The following FBXL18 variants were observed in gnomAD, a reference collection of about 807,000 sequenced individuals.
The protein encoded by FBXL18 is F-box/LRR-repeat protein 18.
In FBXL18, 36 loss-of-function variants were observed where a neutral mutation model predicts 46.0. That is an observed-to-expected ratio of 0.78 (90% CI 0.60 to 1.03). FBXL18 has a LOEUF of 1.03. Ranked by LOEUF, FBXL18 falls within the 50% of genes least tolerant of loss-of-function variation. The pLI, the probability that FBXL18 is intolerant of heterozygous loss-of-function variation, is 0.00. For missense variants in FBXL18, 977 were observed against 1,004.1 expected (o/e 0.97, Z 0.36); for synonymous variants, 557 against 465.3 (o/e 1.20, Z -2.54).
chr7:5,512,297 TAAAAAAAAAAAAA>T (rs71004681), intron 1 of FBXL18, among the ~76,000 whole-genome samples: 1 of 85,524 alleles, frequency 1.2e-5, no homozygotes, highest in Non-Finnish European at 2.4e-5. Flanking sequence ...AAGTGTTATT[TAAAAAAAAAAAAA>T]AAAAAAAAAA....
intron 3 of FBXL18, among the ~76,000 whole-genome samples, chr7:5,498,364 G>C (rs1472946589): frequency 6.6e-6 from 1 of 152,176 alleles, no homozygotes; most frequent in Non-Finnish European, 1.5e-5. Context: ...GGGATTACAG[G>C]CGTGAGCCAC....
intron 1 of FBXL18, among the ~76,000 whole-genome samples, chr7:5,511,281 A>G (rs940311854): frequency 6.6e-6 from 1 of 151,748 alleles, no homozygotes; most frequent in East Asian, 1.9e-4. Flanking sequence ...CTAAAAATAC[A>G]AAAAAATTAG....
chr7:5,489,497 G>A lies in FBXL18; in HGVS notation c.2000+1734C>T, dbSNP rs1378761938. ...TAAAAATACAAAAATTAGGCCGGGCGCGGTGGCTCACGCCTGTAATCCCAG... is the reference window on the plus strand; with the variant it reads ...TAAAAATACAAAAATTAGGCCGGGCACGGTGGCTCACGCCTGTAATCCCAG... On this transcript the variant is annotated intron_variant, in intron 4 of 4. Coordinates refer to ENST00000382368, the MANE Select transcript of FBXL18 (RefSeq NM_024963.6). 5 of 352,966 alleles carry A rather than the reference G, an allele frequency of 1.4e-5. No homozygotes were observed. The East Asian group carries it at 2.3e-4, about 16-fold the overall frequency. The allele number at this position is 352,966 out of a possible 1,614,324, so 21.9% of individuals were successfully genotyped here. A position where few individuals can be genotyped will look rare whatever the true frequency, so the allele number is the denominator to read the frequency against.
intron 4 of FBXL18, among the ~76,000 whole-genome samples, chr7:5,463,742 T>TTTTTTTTTTTTTTTTTTTTTTTTTTTG (rs1783298948): frequency 1.4e-5 from 1 of 72,974 alleles, no homozygotes; most frequent in Non-Finnish European, 2.6e-5. Flanking sequence ...TTTTTTTTTT[T>TTTTTTTTTTTTTTTTTTTTTTTTTTTG]TTTTTTTTTT....
In FBXL18 at chr7:5,494,811, G is replaced by A. The variant is rs543365354; in HGVS notation, c.1782-3362C>T. Reference sequence around the variant, plus strand: ...GGTCACTAGGTGGCGATGCGGCTCCGTGCTACCCGCCCCAGATCGCCCCGA... The same window carrying A: ...GGTCACTAGGTGGCGATGCGGCTCCATGCTACCCGCCCCAGATCGCCCCGA... On this transcript the variant is annotated intron_variant, in intron 3 of 4. Transcript: ENST00000382368. Among the ~76,000 whole-genome samples the A allele has an allele frequency of 6.6e-5, 10 of 152,344 alleles. No homozygotes were observed. The East Asian group carries it at 1.4e-3, about 21-fold the overall frequency.
chr7:5,458,286 C>A (rs932456328), intron 4 of FBXL18, among the ~76,000 whole-genome samples: 1 of 152,164 alleles, frequency 6.6e-6, no homozygotes, highest in Non-Finnish European at 1.5e-5. Flanking sequence ...GGTTTCTGGC[C>A]ACCCACAGTG....
At chr7:5,491,508 TG>T in intron 3 of FBXL18, 59 bp from the exon 4 acceptor site, 1 of 1,434,324 alleles carries the variant, frequency 7.0e-7, no homozygotes, top group Non-Finnish European at 9.3e-7. Context: ...CCAGGCCAGC[TG>T]GGCGTCTGGA....
At chr7:5,488,414 G>A (rs939459280) in intron 4 of FBXL18, among the ~76,000 whole-genome samples, 2 of 152,184 alleles carry the variant, frequency 1.3e-5, no homozygotes, top group East Asian at 1.9e-4. Flanking sequence ...GGGCTGCCCC[G>A]TCATGAGCAC....
At position 5,513,726 on chromosome 7, in the gene FBXL18, C is replaced by CT; in HGVS notation, c.-53_-52insA. On this transcript the variant is annotated 5_prime_UTR_variant, in exon 1 of 5. Coordinates refer to ENST00000382368, the MANE Select transcript of FBXL18 (RefSeq NM_024963.6). ...GCGGGATCCGCAACCCCGTGCCTCC[C>CT]ACCTGCCCGGCTAGGGATGCTCGAA... 2 of 1,582,882 alleles carry CT rather than the reference C, an allele frequency of 1.3e-6. No individual in the cohort carries two copies. Among genetic ancestry groups the CT allele is most frequent in the Admixed American group, 3.6e-5 (2 of 55,462 alleles).
Position 5,490,058 on chromosome 7 carries a change from C to T in FBXL18, c.2000+1173G>A, listed in dbSNP as rs750010650. Reference sequence around the variant, plus strand: ...GGGGAAACCCCAACCAGGATTATTCCTGAGACAGCCAGCGGCCGACCGCAA... The same window carrying T: ...GGGGAAACCCCAACCAGGATTATTCTTGAGACAGCCAGCGGCCGACCGCAA... On this transcript the variant is annotated intron_variant, in intron 4 of 4. Coordinates refer to ENST00000382368, the MANE Select transcript of FBXL18 (RefSeq NM_024963.6). 3.0e-6 allele frequency: 4 copies of T among 1,350,782 alleles called. No individual in the cohort carries two copies. In the South Asian group the frequency reaches 4.7e-5, roughly 16 times the overall value. 83.7% of individuals were successfully genotyped at this position (1,350,782 alleles called of 1,614,324 possible).
intron 3 of FBXL18, among the ~76,000 whole-genome samples, chr7:5,495,486 C>T (rs115019444): frequency 6.6e-6 from 1 of 152,304 alleles, no homozygotes; most frequent in African/African-American, 2.4e-5. Context: ...ATTTGTAATC[C>T]CCTTACTACT....
intron 4 of FBXL18, among the ~76,000 whole-genome samples, chr7:5,464,563 T>C (rs1783313360): frequency 1.4e-5 from 2 of 145,158 alleles, no homozygotes; most frequent in South Asian, 4.4e-4. Flanking sequence ...CTTGGGAGGC[T>C]GGGGCAGAAG....
Position 5,500,588 on chromosome 7 carries a change from G to A in FBXL18, c.1681C>T (p.Arg561Trp), listed in dbSNP as rs1435100280. The A allele has an allele frequency of 1.2e-6, 2 of 1,613,442 alleles. No homozygotes were observed. The highest frequency in any genetic ancestry group is 1.1e-5 in the South Asian group (1 of 91,082). ...CCCAGGTTGGCCAGCGACAGGGACC[G>A]CAACTGCTGGCACTGCAGGCCGATA... ...VNIGLQCQQL[R>W]SLSLANLGMM... The change falls in exon 3 of 5, where the codon CGG (arginine) becomes TGG (tryptophan). Residue 561 changes from arginine to tryptophan, a missense_variant. Physicochemically the swap from Arg to Trp is moderately radical, Grantham distance 101. Coordinates refer to ENST00000382368, the MANE Select transcript of FBXL18 (RefSeq NM_024963.6).
At chr7:5,468,638 TG>T (rs1783381923) in intron 4 of FBXL18, among the ~76,000 whole-genome samples, 1 of 152,192 alleles carries the variant, frequency 6.6e-6, no homozygotes, top group Non-Finnish European at 1.5e-5. Flanking sequence ...CGTCTTACTC[TG>T]TTGCCCAGGC....
chr7:5,505,320 T>A, intron 2 of FBXL18, 92 bp downstream of exon 2: 1 of 1,207,596 alleles, frequency 8.3e-7, no homozygotes, highest in East Asian at 2.5e-5. Flanking sequence ...CACCTTTATA[T>A]CAGCACACAG....
intron 4 of FBXL18, among the ~76,000 whole-genome samples, chr7:5,464,067 C>T (rs749906895): frequency 1.6e-4 from 25 of 152,148 alleles, no homozygotes; most frequent in Admixed American, 5.9e-4. Context: ...AATAACTGGC[C>T]GGGCGCGGTG....
At chr7:5,491,195 C>CG in intron 4 of FBXL18, 36 bp downstream of exon 4, 1 of 1,558,518 alleles carries the variant, frequency 6.4e-7, no homozygotes, top group Non-Finnish European at 8.7e-7. Context: ...GTGATTTCTG[C>CG]GGCCCCTGAA....
intron 3 of FBXL18, among the ~76,000 whole-genome samples, chr7:5,495,054 C>T (rs1047822285): frequency 2.6e-5 from 4 of 152,176 alleles, no homozygotes; most frequent in Non-Finnish European, 4.4e-5. Flanking sequence ...GCACCCAGGA[C>T]GGTGGCAGAG....
At chr7:5,511,304 C>T (rs1584249580) in intron 1 of FBXL18, among the ~76,000 whole-genome samples, 1 of 151,900 alleles carries the variant, frequency 6.6e-6, no homozygotes, top group Non-Finnish European at 1.5e-5. Flanking sequence ...AGGGGCCGGG[C>T]GCAGTGGCTC....
Sources: allele counts gnomAD v4.1 joint callset (sites outside exome capture counted in the v4.1 genomes callset), GRCh38; gene constraint gnomAD v4.1.1; transcripts MANE v1.5; gene names NCBI Gene and HGNC (gene_info 2026-07-23, HGNC 2026-07-21).